Variants in SLC17A3 observed in about 807,000 individuals in gnomAD.
The protein encoded by SLC17A3 is sodium-dependent phosphate transport protein 4.
SLC17A3 carries 61 observed loss-of-function variants against 60.3 expected under a neutral mutation model. The observed-to-expected ratio is 1.01, with a 90% CI of 0.82 to 1.25. The LOEUF is 1.25. Among genes scored for constraint, SLC17A3 ranks in the 50% most tolerant of loss-of-function variants. SLC17A3 has a pLI of 0.00. For synonymous variants in SLC17A3, 192 were observed against 208.9 expected, an observed-to-expected ratio of 0.92 and a Z score of 0.70; for missense variants, 624 against 594.9, an observed-to-expected ratio of 1.05 and a Z score of -0.51.
At chr6:25,852,374 AT>A (rs1377801808) in intron 6 of SLC17A3, among the ~76,000 whole-genome samples, 2 of 152,100 alleles carry the variant, frequency 1.3e-5, no homozygotes, top group African/African-American at 4.8e-5. Context: ...GGATCTGTGA[AT>A]TTATAGTTTT....
intron 5 of SLC17A3, among the ~76,000 whole-genome samples, chr6:25,858,336 C>T (rs764997418): frequency 1.3e-5 from 2 of 152,128 alleles, no homozygotes; most frequent in South Asian, 4.2e-4. Context: ...CCCAACACAC[C>T]TCCATTTTCA....
intron 6 of SLC17A3, among the ~76,000 whole-genome samples, chr6:25,854,131 A>G: frequency 6.6e-6 from 1 of 152,132 alleles, no homozygotes; most frequent in East Asian, 1.9e-4. Context: ...TAAATTGTCT[A>G]TCCTGGTGAA....
intron 1 of SLC17A3, among the ~76,000 whole-genome samples, chr6:25,872,898 C>CCTTAGG (rs1765668678): frequency 3.3e-5 from 5 of 152,144 alleles, no homozygotes; most frequent in African/African-American, 7.2e-5. Context: ...ACATGACAGT[C>CCTTAGG]TACCACCTGC....
intron 5 of SLC17A3, among the ~76,000 whole-genome samples, chr6:25,861,228 A>T (rs1037318322): frequency 1.3e-5 from 2 of 152,138 alleles, no homozygotes; most frequent in Non-Finnish European, 2.9e-5. Flanking sequence ...TTGAATCTTG[A>T]CCTTCCACTG....
chr6:25,846,227 A>G (rs887256621), intron 11 of SLC17A3, among the ~76,000 whole-genome samples: 19 of 152,210 alleles, frequency 1.2e-4, no homozygotes, highest in Non-Finnish European at 2.5e-4. Context: ...GCCTTTAATA[A>G]AAAACAACCA....
chr6:25,853,163 G>C (rs1210224199), intron 6 of SLC17A3, among the ~76,000 whole-genome samples: 1 of 152,086 alleles, frequency 6.6e-6, no homozygotes, highest in East Asian at 1.9e-4. Context: ...TTCTGTGAGT[G>C]TAGGCACCGT....
intron 2 of SLC17A3, among the ~76,000 whole-genome samples, chr6:25,863,200 C>T (rs941286215): frequency 3.3e-5 from 5 of 151,944 alleles, no homozygotes; most frequent in Admixed American, 2.6e-4. Context: ...ATAGGGAAAT[C>T]GGCATTTATG....
At position 25,850,177 on chromosome 6, in the gene SLC17A3, T is replaced by C; in HGVS notation, c.994A>G (p.Asn332Asp). ...AAAGGAAGGGCAGATAGAAGTCCAT[T>C]CTAAAGAGAAAAGATTGAGTAAATT... Reference protein sequence around the residue: ...SSVYHVNIRDNGLLSALPFIV... With the variant: ...SSVYHVNIRDDGLLSALPFIV... Residue 332 changes from asparagine to aspartate, a missense_variant and splice_region_variant, in exon 9 of 13, where the codon AAT becomes GAT. Transcript: ENST00000397060. 4.3e-6 allele frequency: 7 copies of C among 1,613,198 alleles called. No homozygotes were observed. The highest frequency in any genetic ancestry group is 5.9e-6 in the Non-Finnish European group (7 of 1,179,394).
In SLC17A3 at chr6:25,868,337, T is replaced by G; in HGVS notation, c.51A>C (p.Ala17=). ...GTGTCTCATCCACTTGCATATCTTG[T>G]GCGTTCTTGCTCTCCCTTGCTGTGG... ...LSPTARESKN[A]QDMQVDETLI... The change falls in exon 2 of 13, where the codon GCA becomes GCC. Residue 17 remains alanine, a synonymous_variant. Transcript: ENST00000397060. 1 of 1,612,276 alleles carries G rather than the reference T, an allele frequency of 6.2e-7. No individual in the cohort carries two copies.
At chr6:25,859,965 G>C (rs1765420373) in intron 5 of SLC17A3, among the ~76,000 whole-genome samples, 1 of 152,070 alleles carries the variant, frequency 6.6e-6, no homozygotes, top group South Asian at 2.1e-4. Context: ...TATGACCTCT[G>C]GGATAGCTTG....
intron 3 of SLC17A3, 93 bp downstream of exon 3, chr6:25,862,140 A>G: frequency 1.4e-6 from 2 of 1,412,080 alleles, no homozygotes; most frequent in South Asian, 1.2e-5. Flanking sequence ...TTTCTCCATT[A>G]AAGTTTTTAA....
rs59914380 is a variant in SLC17A3 at position 25,851,980 on chromosome 6, G to A, written c.713-1103C>T. 9.1e-3 allele frequency among the ~76,000 whole-genome samples: 1,382 copies of A among 152,062 alleles called. 17 individuals are homozygous for A. Among genetic ancestry groups the A allele is most frequent in the African/African-American group, 0.03 (1,240 of 41,494 alleles). On this transcript the variant is annotated intron_variant, in intron 6 of 12. Coordinates refer to ENST00000397060, the MANE Select transcript of SLC17A3 (RefSeq NM_001098486.2). ...AATATTTTTTATGCTATTGAAAATC[G>A]TACTGTTCTCTTTAATTGACATTTC...
intron 1 of SLC17A3, among the ~76,000 whole-genome samples, chr6:25,871,114 T>C (rs1765633275): frequency 6.6e-6 from 1 of 152,038 alleles, no homozygotes; most frequent in Non-Finnish European, 1.5e-5. Flanking sequence ...AGAAATACCA[T>C]TTGACCCAGC....
At chr6:25,864,323 G>A (rs148323206) in intron 2 of SLC17A3, among the ~76,000 whole-genome samples, 60 of 151,958 alleles carry the variant, frequency 3.9e-4, no homozygotes, top group African/African-American at 1.4e-3. Context: ...AGCAGAAGGG[G>A]GACATGATAT....
chr6:25,866,614 A>G (rs975792752), intron 2 of SLC17A3, among the ~76,000 whole-genome samples: 2 of 151,990 alleles, frequency 1.3e-5, no homozygotes, highest in Non-Finnish European at 2.9e-5. Context: ...AAAATAATAA[A>G]GCCTAGTTGA....
chr6:25,868,603 T>C (rs910058121), intron 1 of SLC17A3, 183 bp from the exon 2 acceptor site: 10 of 552,050 alleles, frequency 1.8e-5, no homozygotes, highest in Non-Finnish European at 2.6e-5. Context: ...TTTGGAATTG[T>C]TTATTTATTA....
At chr6:25,868,532 G>C in intron 1 of SLC17A3, 112 bp from the exon 2 acceptor site, 1 of 690,344 alleles carries the variant, frequency 1.4e-6, no homozygotes, top group African/African-American at 1.8e-5. Flanking sequence ...CCATCTGGTT[G>C]GAGACAGGGA....
rs1335198644 is a variant in SLC17A3, at chr6:25,845,225, G to A, written c.*76C>T. On this transcript the variant is annotated 3_prime_UTR_variant, in exon 13 of 13. Coordinates refer to ENST00000397060, the MANE Select transcript of SLC17A3 (RefSeq NM_001098486.2). ...ACAGGAAAAAAAAAATCTTTTCACT[G>A]GTATTTTCATCACGGAAGCCTTCTA... 2.6e-6 allele frequency: 2 copies of A among 772,260 alleles called. No individual in the cohort carries two copies. Among genetic ancestry groups the A allele is most frequent in the Non-Finnish European group, 4.2e-6 (2 of 479,578 alleles). The allele number at this position is 772,260 out of a possible 1,614,324, so 47.8% of individuals were successfully genotyped here. A position where few individuals can be genotyped will look rare whatever the true frequency, so the allele number is the denominator to read the frequency against.
intron 6 of SLC17A3, 99 bp from the exon 7 acceptor site, chr6:25,850,976 G>T (rs1031991511): frequency 2.3e-6 from 2 of 888,142 alleles, no homozygotes; most frequent in African/African-American, 3.3e-5. Flanking sequence ...TCTAGGAAAA[G>T]CTCATGTTCA....
Sources: allele counts gnomAD v4.1 joint callset (sites outside exome capture counted in the v4.1 genomes callset), GRCh38; gene constraint gnomAD v4.1.1; transcripts MANE v1.5; gene names NCBI Gene and HGNC (gene_info 2026-07-23, HGNC 2026-07-21).